The following SLC60A2 variants were observed in gnomAD, a reference collection of about 807,000 sequenced individuals.
SLC60A2 encodes solute carrier family 60 member 2, also known as major facilitator superfamily domain containing 4B.
chr6:111,270,435 C>A, the SLC60A2 span: 2 of 152,196 alleles, frequency 1.3e-5, no homozygotes, highest in African/African-American at 2.4e-5. Context: ...GTAATCCCAG[C>A]TACTCAGGAA....
the SLC60A2 span, chr6:111,266,733 T>C: frequency 6.2e-7 from 1 of 1,614,210 alleles, no homozygotes; most frequent in Non-Finnish European, 8.5e-7. Flanking sequence ...GTATACCTCT[T>C]TGGGAGCATC....
the SLC60A2 span, chr6:111,266,314 A>G: frequency 6.2e-7 from 1 of 1,613,834 alleles, no homozygotes; most frequent in Non-Finnish European, 8.5e-7. Flanking sequence ...TATGGCTCTT[A>G]TGTTTTCTCA....
the SLC60A2 span, among the ~76,000 whole-genome samples, chr6:111,261,581 A>G: frequency 6.6e-6 from 1 of 151,976 alleles, no homozygotes; most frequent in East Asian, 1.9e-4. Flanking sequence ...ACCACACCTG[A>G]CTTAATTTAA....
At chr6:111,271,755 TG>T in the SLC60A2 span, among the ~76,000 whole-genome samples, 1 of 86,654 alleles carries the variant, frequency 1.2e-5, no homozygotes, top group Non-Finnish European at 2.1e-5. Context: ...CTGGCCAACA[TG>T]GCAAAACCCC....
At chr6:111,266,166 T>G in the SLC60A2 span, 10 of 1,612,514 alleles carry the variant, frequency 6.2e-6, no homozygotes, top group African/African-American at 2.7e-5. Context: ...CATTTTTTTT[T>G]GTCTGTTTTT....
At chr6:111,265,652 T>C in the SLC60A2 span, among the ~76,000 whole-genome samples, 1 of 152,288 alleles carries the variant, frequency 6.6e-6, no homozygotes, top group South Asian at 2.1e-4. Flanking sequence ...GACTGTAGAA[T>C]TCGATTTGTG....
chr6:111,268,787 G>A, the SLC60A2 span: 1 of 152,200 alleles, frequency 6.6e-6, no homozygotes, highest in Non-Finnish European at 1.5e-5. Context: ...TTGTGTCACC[G>A]ATCCAGGGTT....
the SLC60A2 span, among the ~76,000 whole-genome samples, chr6:111,275,616 G>C: frequency 6.6e-6 from 1 of 151,932 alleles, no homozygotes; most frequent in Admixed American, 6.6e-5. Flanking sequence ...CACAATGTTG[G>C]TCAGGCTGGT....
chr6:111,279,090 C>T, the SLC60A2 span, among the ~76,000 whole-genome samples: 1 of 152,166 alleles, frequency 6.6e-6, no homozygotes, highest in Admixed American at 6.5e-5. Flanking sequence ...GTAACTCCTC[C>T]TCCCCAATCC....
the SLC60A2 span, among the ~76,000 whole-genome samples, chr6:111,261,435 GCGCCACCA>G: frequency 6.6e-6 from 1 of 151,906 alleles, no homozygotes; most frequent in African/African-American, 2.4e-5. Context: ...CTACAGGCAT[GCGCCACCA>G]CGCCTGGCTG....
chr6:111,279,283 A>G, the SLC60A2 span, among the ~76,000 whole-genome samples: 4 of 148,222 alleles, frequency 2.7e-5, no homozygotes, highest in African/African-American at 1.0e-4. Flanking sequence ...TTTTTTTGAG[A>G]CAGAGTCTCG....
the SLC60A2 span, chr6:111,259,664 T>A: frequency 1.3e-6 from 2 of 1,579,282 alleles, no homozygotes; most frequent in Non-Finnish European, 8.6e-7. Context: ...GGCAGAGCGG[T>A]GGGACCGGGA....
the SLC60A2 span, chr6:111,270,094 C>G: frequency 3.3e-5 from 5 of 150,168 alleles, no homozygotes; most frequent in Admixed American, 6.6e-5. Flanking sequence ...CACTCAGCTT[C>G]GAGAGGCCTC....
chr6:111,274,845 G>GT, the SLC60A2 span, among the ~76,000 whole-genome samples: 35 of 152,034 alleles, frequency 2.3e-4, no homozygotes, highest in African/African-American at 7.7e-4. Context: ...CTTATTCTCT[G>GT]TTTTTTGTGT....
chr6:111,266,570 A>G, the SLC60A2 span: 3 of 1,614,028 alleles, frequency 1.9e-6, no homozygotes, highest in Non-Finnish European at 2.5e-6. Context: ...TGGCAACCAC[A>G]TTTCCGAGTG....
At chr6:111,259,587 C>T in the SLC60A2 span, 1 of 1,196,166 alleles carries the variant, frequency 8.4e-7, no homozygotes, top group Non-Finnish European at 1.1e-6. Flanking sequence ...GGCTGCGGGG[C>T]AGCGGCTCCT....
At chr6:111,277,577 C>T in the SLC60A2 span, among the ~76,000 whole-genome samples, 3 of 152,212 alleles carry the variant, frequency 2.0e-5, no homozygotes, top group African/African-American at 7.2e-5. Context: ...TCCTTGCCTT[C>T]ACCAAGCTTA....
chr6:111,259,572 C>A, the SLC60A2 span: 4 of 971,942 alleles, frequency 4.1e-6, no homozygotes, highest in Non-Finnish European at 5.8e-6. Context: ...TGGGGCCGGG[C>A]CCCCGGCTGC....
the SLC60A2 span, chr6:111,269,497 G>A: frequency 6.6e-6 from 1 of 152,206 alleles, no homozygotes; most frequent in Non-Finnish European, 1.5e-5. Context: ...ACTGTGCCCA[G>A]CCCTTTTGCT....
Sources: gnomAD v4.1 joint callset for allele counts (sites outside exome capture counted in the v4.1 genomes callset) on GRCh38, gnomAD v4.1.1 for gene constraint, MANE v1.5 for transcripts, NCBI Gene and HGNC (gene_info 2026-07-23, HGNC 2026-07-21) for gene names.